The following ATXN1 variants were observed in gnomAD, a reference collection of about 807,000 sequenced individuals.
The protein encoded by ATXN1 is ataxin-1.
ATXN1 carries 8 observed loss-of-function variants against 56.4 expected under a neutral mutation model. That is an observed-to-expected ratio of 0.14 (90% CI 0.08 to 0.26). The LOEUF (loss-of-function observed/expected upper bound fraction) is 0.26. ATXN1 is among the 10% of genes least tolerant of loss of function. The probability of loss-of-function intolerance (pLI) is 1.00; values close to 1 mark genes in which losing one functional copy is unlikely to be tolerated. For missense variants in ATXN1, 987 were observed against 1,106.5 expected, an observed-to-expected ratio of 0.89 and a Z score of 1.53; for synonymous variants, 514 against 494.6, an observed-to-expected ratio of 1.04 and a Z score of -0.52.
intron 6 of ATXN1, among the ~76,000 whole-genome samples, chr6:16,381,681 T>A (rs1283596349): frequency 2.0e-5 from 3 of 152,166 alleles, no homozygotes; most frequent in African/African-American, 7.2e-5. Context: ...ACTGCAAAAT[T>A]CCCATTGCAA....
intron 2 of ATXN1, among the ~76,000 whole-genome samples, chr6:16,658,453 C>T (rs199971177): frequency 6.6e-6 from 1 of 151,564 alleles, no homozygotes. Context: ...TTGTGTGATT[C>T]TTGATAAATA....
chr6:16,740,195 C>CAT (rs1411593065), intron 2 of ATXN1, among the ~76,000 whole-genome samples: 6 of 152,180 alleles, frequency 3.9e-5, no homozygotes, highest in African/African-American at 1.4e-4. Flanking sequence ...GAAAAGGCTT[C>CAT]ATAATAGTTA....
chr6:16,465,963 A>G (rs1471510779), intron 6 of ATXN1, among the ~76,000 whole-genome samples: 1 of 152,224 alleles, frequency 6.6e-6, no homozygotes, highest in Non-Finnish European at 1.5e-5. Flanking sequence ...ATAATTTCCA[A>G]GAAAAGTCAT....
chr6:16,460,340 C>A (rs369959711), intron 6 of ATXN1, among the ~76,000 whole-genome samples: 1 of 152,136 alleles, frequency 6.6e-6, no homozygotes, highest in Non-Finnish European at 1.5e-5. Context: ...AAGGAAGGAA[C>A]CCCACAACCT....
At chr6:16,537,731 G>GAAAAAA (rs537414371) in intron 4 of ATXN1, among the ~76,000 whole-genome samples, 2 of 139,272 alleles carry the variant, frequency 1.4e-5, no homozygotes, top group Non-Finnish European at 1.6e-5. Flanking sequence ...AAGAAAAAAA[G>GAAAAAA]AAAAAAAAAA....
intron 6 of ATXN1, among the ~76,000 whole-genome samples, chr6:16,425,997 G>C (rs1414776178): frequency 6.6e-6 from 1 of 152,176 alleles, no homozygotes; most frequent in Non-Finnish European, 1.5e-5. Flanking sequence ...TATGGCACAA[G>C]ACAGGCTGGA....
intron 3 of ATXN1, among the ~76,000 whole-genome samples, chr6:16,650,993 T>C (rs1763882428): frequency 6.6e-6 from 1 of 152,250 alleles, no homozygotes; most frequent in Non-Finnish European, 1.5e-5. Context: ...GTTTTTCTTT[T>C]AACACATTAG....
intron 4 of ATXN1, among the ~76,000 whole-genome samples, chr6:16,535,503 A>C (rs1417243593): frequency 2.6e-5 from 4 of 152,218 alleles, no homozygotes; most frequent in African/African-American, 9.6e-5. Flanking sequence ...AGAGCAACAA[A>C]ATAAACAACA....
intron 1 of ATXN1, among the ~76,000 whole-genome samples, chr6:16,755,002 T>C (rs1214887227): frequency 2.6e-5 from 4 of 152,208 alleles, no homozygotes; most frequent in Admixed American, 1.3e-4. Context: ...GTACCATAAA[T>C]TTACAGACAG....
intron 5 of ATXN1, among the ~76,000 whole-genome samples, chr6:16,496,959 CACTT>C (rs1324820618): frequency 6.6e-6 from 1 of 152,130 alleles, no homozygotes; most frequent in Admixed American, 6.5e-5. Flanking sequence ...GGGATTCTCA[CACTT>C]ACAACTCCTA....
chr6:16,360,867 G>A (rs571456103), intron 6 of ATXN1, among the ~76,000 whole-genome samples: 1 of 152,054 alleles, frequency 6.6e-6, no homozygotes, highest in South Asian at 2.1e-4. Flanking sequence ...ACACCACTGG[G>A]GTCTTTCCCT....
chr6:16,325,535 T>C (rs1363843079), intron 7 of ATXN1, among the ~76,000 whole-genome samples: 1 of 151,978 alleles, frequency 6.6e-6, no homozygotes, highest in Non-Finnish European at 1.5e-5. Flanking sequence ...TTACCCTGCC[T>C]CCCATGAAAC....
chr6:16,649,908 C>A (rs972199709), intron 3 of ATXN1, among the ~76,000 whole-genome samples: 6 of 151,352 alleles, frequency 4.0e-5, no homozygotes, highest in African/African-American at 1.5e-4. Flanking sequence ...CAGAAAATTG[C>A]AATATAATAG....
chr6:16,693,678 A>C (rs564536899), intron 2 of ATXN1, among the ~76,000 whole-genome samples: 2 of 152,334 alleles, frequency 1.3e-5, no homozygotes, highest in South Asian at 4.1e-4. Context: ...GATGCTCATC[A>C]TGGCCCTAAA....
intron 3 of ATXN1, among the ~76,000 whole-genome samples, chr6:16,624,617 T>C (rs1332757793): frequency 2.0e-5 from 3 of 152,182 alleles, no homozygotes; most frequent in South Asian, 2.1e-4. Context: ...AGATTGAGCA[T>C]TGCACCATTT....
chr6:16,398,043 T>G (rs1246445756), intron 6 of ATXN1, among the ~76,000 whole-genome samples: 1 of 152,226 alleles, frequency 6.6e-6, no homozygotes. Context: ...TCTTTAGACT[T>G]TACCACAGGT....
chr6:16,644,732 G>T (rs1317421493), intron 3 of ATXN1, among the ~76,000 whole-genome samples: 1 of 152,072 alleles, frequency 6.6e-6, no homozygotes, highest in East Asian at 1.9e-4. Flanking sequence ...AGTGGTGCCA[G>T]GAACGGGAAG....
At chr6:16,366,407 T>C (rs1761920108) in intron 6 of ATXN1, among the ~76,000 whole-genome samples, 1 of 152,138 alleles carries the variant, frequency 6.6e-6, no homozygotes, top group Non-Finnish European at 1.5e-5. Flanking sequence ...GGAATGAATT[T>C]AGAATATAAC....
intron 6 of ATXN1, among the ~76,000 whole-genome samples, chr6:16,453,093 G>C (rs1224544995): frequency 6.6e-6 from 1 of 152,102 alleles, no homozygotes; most frequent in Non-Finnish European, 1.5e-5. Context: ...GTTGACGTGA[G>C]AAAATAAAAA....
Sources: allele counts gnomAD v4.1 joint callset (sites outside exome capture counted in the v4.1 genomes callset), GRCh38; gene constraint gnomAD v4.1.1; transcripts MANE v1.5; gene names NCBI Gene and HGNC (gene_info 2026-07-23, HGNC 2026-07-21).